The following SCN4A variants were observed in gnomAD, a reference collection of about 807,000 sequenced individuals.
The protein encoded by SCN4A is sodium voltage-gated channel alpha subunit 4, also known as sodium channel protein type 4 subunit alpha.
A neutral mutation model predicts 162.0 loss-of-function variants in SCN4A; 83 were observed. That is an observed-to-expected ratio of 0.51 (90% confidence interval 0.43 to 0.61). The LOEUF is 0.61. Ranked by LOEUF, SCN4A falls within the 20% of genes least tolerant of loss-of-function variation. SCN4A has a pLI of 0.00. For missense variants in SCN4A, 2,196 were observed against 2,462.5 expected (o/e 0.89, Z 2.29); for synonymous variants, 944 against 985.1 (o/e 0.96, Z 0.78).
intron 5 of SCN4A, 21 bp from the exon 6 acceptor site, chr17:63,968,376 G>T: frequency 1.3e-6 from 2 of 1,566,852 alleles, no homozygotes; most frequent in Non-Finnish European, 1.7e-6. Context: ...AGAGGGCAAG[G>T]ATATTGGCAG....
Position 63,941,605 on chromosome 17 carries a change from G to A in SCN4A, c.4677C>T (p.Asn1559=), listed in dbSNP as rs1908534877. 1.2e-6 allele frequency: 2 copies of A among 1,614,052 alleles called. No individual in the cohort carries two copies. Among genetic ancestry groups the A allele is most frequent in the Non-Finnish European group, 1.7e-6 (2 of 1,179,964 alleles). The change falls in exon 24 of 24, where the codon AAC becomes AAT. Residue 1559 remains asparagine, a synonymous_variant. Transcript: ENST00000435607. This position sits in a 1 kb window ranked among gnomAD's most constrained non-coding sequence, Gnocchi z 6.2. The part of the protein sequence containing the change: ...GPPDCDPNLE[N]PGTSVKGDCG... ...AGTCACCCTTGACACTGGTGCCCGG[G>A]TTCTCCAGGTTGGGGTCACAGTCTG...
chr17:63,971,895 G>A (rs1909623032), intron 3 of SCN4A, 45 bp from the exon 4 acceptor site: 1 of 1,605,468 alleles, frequency 6.2e-7, no homozygotes, highest in Non-Finnish European at 8.5e-7. Context: ...CACCTGGGTA[G>A]GGGTCAGTGT....
chr17:63,949,532 C>G lies in SCN4A; in HGVS notation c.2854-4G>C, dbSNP rs372220878. 5 of 1,602,838 alleles carry G rather than the reference C, an allele frequency of 3.1e-6. No individual in the cohort carries two copies. The African/African-American group carries it at 5.3e-5, about 17-fold the overall frequency. ...CATAGAGAGGCTGCGGCGGCTTCTG[C>G]GGAGGCCACAGGGTCACATGACATC... On this transcript the variant is annotated splice_polypyrimidine_tract_variant and splice_region_variant and intron_variant, in intron 14 of 23. Transcript: ENST00000435607.
At position 63,949,282 on chromosome 17, in the gene SCN4A, G is replaced by C. The variant is rs892709868; in HGVS notation, c.2989+111C>G. On this transcript the variant is annotated intron_variant, in intron 15 of 23. Transcript: ENST00000435607. Reference sequence around the variant, plus strand: ...CCACCCCTAGACACGTGAGGCACGGGGATGGCCAGGCAGCCCCAGGTCCGT... The same window carrying C: ...CCACCCCTAGACACGTGAGGCACGGCGATGGCCAGGCAGCCCCAGGTCCGT... The C allele has an allele frequency of 6.8e-6, 8 of 1,184,750 alleles. No homozygotes were observed. In the Admixed American group the frequency reaches 1.6e-4, roughly 23 times the overall value. 73.4% of individuals were successfully genotyped at this position (1,184,750 alleles called of 1,614,324 possible). A position where few individuals can be genotyped will look rare whatever the true frequency, so the allele number is the denominator to read the frequency against.
intron 22 of SCN4A, among the ~76,000 whole-genome samples, chr17:63,943,496 C>T (rs1380073472): frequency 2.0e-5 from 3 of 151,976 alleles, no homozygotes; most frequent in Non-Finnish European, 4.4e-5. Context: ...TGAGGAGCTT[C>T]GTGGGACCAA....
intron 14 of SCN4A, chr17:63,949,729 C>T (rs1397097977): frequency 1.8e-6 from 1 of 563,996 alleles, no homozygotes. Context: ...CCGCATGACA[C>T]TTATATAAGG....
chr17:63,951,427 G>A lies in SCN4A; in HGVS notation c.2850C>T (p.Ser950=). The change falls in exon 14 of 24, where the codon AGC becomes AGT. Residue 950 remains serine, a synonymous_variant. Transcript: ENST00000435607. The surrounding 1 kb of genome is among the most constrained non-coding windows in gnomAD (Gnocchi z 4.5). ...ETDTFSEPED[S]KKPPQPLYDG... Reference sequence around the variant, plus strand: ...CTGAGCCCCAGCCCCGGCTCACCTTGCTATCCTCAGGCTCTGAGAAAGTGT... The same window carrying A: ...CTGAGCCCCAGCCCCGGCTCACCTTACTATCCTCAGGCTCTGAGAAAGTGT... 2 of 1,591,664 alleles carry A rather than the reference G, an allele frequency of 1.3e-6. No individual in the cohort carries two copies. Among genetic ancestry groups the A allele is most frequent in the Non-Finnish European group, 1.7e-6 (2 of 1,164,290 alleles).
rs551932554 is a variant in SCN4A at position 63,961,114 on chromosome 17, C to T, written c.1845+79G>A. The T allele has an allele frequency of 2.6e-4, 219 of 846,338 alleles. No homozygotes were observed. The African/African-American group carries it at 2.6e-3, about 10-fold the overall frequency. The allele number at this position is 846,338 out of a possible 1,614,324, so 52.4% of individuals were successfully genotyped here. ...TGTCCCCCACCGTGCCCTATATTTA[C>T]ATACAGCCAGACAGCTCCACTGGGC... On this transcript the variant is annotated intron_variant, in intron 11 of 23. Transcript: ENST00000435607.
rs750109872 is a variant in SCN4A at position 63,948,068 on chromosome 17, G to T, written c.3145-5C>A. The stretch of plus-strand genomic sequence containing the variant: ...AATGTAGATGTCCTCGAAGGCCTGG[G>T]GGCACCAGCACCACCAGGGTGGCTG... On this transcript the variant is annotated splice_region_variant and splice_polypyrimidine_tract_variant and intron_variant, in intron 16 of 23. Coordinates refer to ENST00000435607, the MANE Select transcript of SCN4A (RefSeq NM_000334.4). The T allele has an allele frequency of 1.6e-5, 26 of 1,592,334 alleles. No individual in the cohort carries two copies. The highest frequency in any genetic ancestry group is 2.1e-5 in the Non-Finnish European group (25 of 1,163,772).
At chr17:63,962,112 C>T (rs1909283639) in intron 10 of SCN4A, among the ~76,000 whole-genome samples, 2 of 152,184 alleles carry the variant, frequency 1.3e-5, no homozygotes, top group African/African-American at 4.8e-5. Flanking sequence ...CCTCAGGGAG[C>T]TGGACAGGAC....
intron 11 of SCN4A, 65 bp downstream of exon 11, chr17:63,961,128 G>T: frequency 9.6e-7 from 1 of 1,041,478 alleles, no homozygotes; most frequent in Non-Finnish European, 1.4e-6. Context: ...CAGCCAGACA[G>T]CTCCACTGGG....
chr17:63,946,328 C>T (rs1187762997), intron 18 of SCN4A, among the ~76,000 whole-genome samples: 3 of 152,154 alleles, frequency 2.0e-5, no homozygotes, highest in Non-Finnish European at 4.4e-5. Flanking sequence ...CAGCATTCGG[C>T]TGGCCTCTTG....
Position 63,943,083 on chromosome 17 carries a change from C to G in SCN4A, c.4031G>C (p.Gly1344Ala), listed in dbSNP as rs371949054. Reference sequence around the variant, plus strand: ...CTTCGTCACGAGGTCATACACCATGCCCTGGATCTTGTTCTGCAGCATGGG... The same window carrying G: ...CTTCGTCACGAGGTCATACACCATGGCCTGGATCTTGTTCTGCAGCATGGG... ...PIPRPQNKIQ[G>A]MVYDLVTKQA... The change falls in exon 23 of 24, where the codon GGC becomes GCC. Residue 1344 changes from glycine (G) to alanine (A), a missense_variant. Transcript: ENST00000435607. 5 of 1,610,768 alleles carry G rather than the reference C, an allele frequency of 3.1e-6. No homozygotes were observed. The East Asian group carries it at 1.1e-4, about 36-fold the overall frequency.
intron 12 of SCN4A, among the ~76,000 whole-genome samples, chr17:63,957,935 G>T (rs906715571): frequency 1.3e-5 from 2 of 151,234 alleles, no homozygotes; most frequent in Non-Finnish European, 2.9e-5. Flanking sequence ...AACCAGGGAG[G>T]TGGAGCTTGT....
intron 12 of SCN4A, among the ~76,000 whole-genome samples, chr17:63,958,191 G>A (rs1206100651): frequency 1.3e-5 from 2 of 151,826 alleles, no homozygotes; most frequent in East Asian, 3.9e-4. Flanking sequence ...GCAACATGGC[G>A]AAACCCTGAC....
Position 63,941,773 on chromosome 17 carries a change from G to A in SCN4A, c.4509C>T (p.Asn1503=). The A allele has an allele frequency of 6.2e-7, 1 of 1,614,202 alleles. No homozygotes were observed. Among genetic ancestry groups the A allele is most frequent in the Non-Finnish European group, 8.5e-7 (1 of 1,180,048 alleles). ...MFIYSIFGMS[N]FAYVKKESGI... ...CCGACTCCTTCTTGACGTAGGCAAA[G>A]TTGGACATGCCGAAGATGGAGTAGA... The change falls in exon 24 of 24, where the codon AAC becomes AAT. Residue 1503 remains asparagine (N), a synonymous_variant. Transcript: ENST00000435607. This position sits in a 1 kb window ranked among gnomAD's most constrained non-coding sequence, Gnocchi z 6.2.
chr17:63,957,501 C>T lies in SCN4A; in HGVS notation c.2037G>A (p.Leu679=). The stretch of plus-strand genomic sequence containing the variant: ...TGTTCAGCGTTGGCCACGACTTGGC[C>T]AGCTTGAAGACCCGCAGCTGCCAAG... ...RSFRLLRVFK[L]AKSWPTLNML... Residue 679 remains leucine (L), a synonymous_variant, in exon 13 of 24, where the codon CTG becomes CTA. Coordinates refer to ENST00000435607, the MANE Select transcript of SCN4A (RefSeq NM_000334.4). 1.9e-6 allele frequency: 3 copies of T among 1,611,092 alleles called. No homozygotes were observed. The highest frequency in any genetic ancestry group is 2.5e-6 in the Non-Finnish European group (3 of 1,177,520).
At chr17:63,942,433 T>C (rs1242483476) in intron 23 of SCN4A, among the ~76,000 whole-genome samples, 2 of 152,328 alleles carry the variant, frequency 1.3e-5, no homozygotes, top group South Asian at 2.1e-4. Flanking sequence ...GACATTGTTA[T>C]GAACAACAGG....
chr17:63,963,743 G>A lies in SCN4A; in HGVS notation c.1535C>T (p.Thr512Ile), dbSNP rs1484724972. The A allele has an allele frequency of 6.2e-7, 1 of 1,609,084 alleles. No individual in the cohort carries two copies. The highest frequency in any genetic ancestry group is 1.1e-5 in the South Asian group (1 of 90,232). The change falls in exon 10 of 24, where the codon ACA becomes ATA. Residue 512 changes from threonine to isoleucine, a missense_variant. Physicochemically the swap from Thr to Ile is moderately conservative, Grantham distance 89 (BLOSUM62 -1). Transcript: ENST00000435607. Reference protein sequence around the residue: ...HGKDCNGSLDTSQGEKGAPRQ... With the variant: ...HGKDCNGSLDISQGEKGAPRQ... ...CGGGGCTCCCTTCTCCCCTTGCGAT[G>A]TGTCCAGGCTGCCATTGCAGTCTTT...
Sources: gnomAD v4.1 joint callset for allele counts (sites outside exome capture counted in the v4.1 genomes callset) on GRCh38, gnomAD v4.1.1 for gene constraint, Gnocchi (gnomAD v3.1) non-coding constraint, MANE v1.5 for transcripts, NCBI Gene and HGNC (gene_info 2026-07-23, HGNC 2026-07-21) for gene names.